The following LTBP1 variants were observed in gnomAD, a reference collection of about 807,000 sequenced individuals.
The protein encoded by LTBP1 is latent-transforming growth factor beta-binding protein 1.
LTBP1 carries 129 observed loss-of-function variants against 207.6 expected under a neutral mutation model. The ratio of observed to expected loss-of-function variants is 0.62; its 90% confidence interval spans 0.54 to 0.72. The LOEUF (loss-of-function observed/expected upper bound fraction) is 0.72. LTBP1 is among the 30% of genes least tolerant of loss of function. The probability of loss-of-function intolerance (pLI) is 0.00; values close to 1 mark genes in which losing one functional copy is unlikely to be tolerated. For missense variants in LTBP1, 2,281 were observed against 2,217.2 expected, an observed-to-expected ratio of 1.03 and a Z score of -0.58; for synonymous variants, 963 against 833.7, an observed-to-expected ratio of 1.16 and a Z score of -2.67.
At chr2:33,157,681 T>C (rs1043359149) in intron 5 of LTBP1, among the ~76,000 whole-genome samples, 1 of 152,184 alleles carries the variant, frequency 6.6e-6, no homozygotes, top group Non-Finnish European at 1.5e-5. Flanking sequence ...ATGATGGTGC[T>C]GTACTGGAGA....
At chr2:32,964,632 A>C (rs924028540) in intron 2 of LTBP1, among the ~76,000 whole-genome samples, 1 of 152,192 alleles carries the variant, frequency 6.6e-6, no homozygotes, top group Non-Finnish European at 1.5e-5. Flanking sequence ...ATATCTTATA[A>C]AGGCCACAGT....
intron 7 of LTBP1, among the ~76,000 whole-genome samples, chr2:33,199,052 C>G (rs950524106): frequency 6.6e-6 from 1 of 152,070 alleles, no homozygotes; most frequent in Non-Finnish European, 1.5e-5. Flanking sequence ...ATAAATTTCC[C>G]TCTACACACT....
chr2:33,091,381 G>A (rs748145946), intron 3 of LTBP1, among the ~76,000 whole-genome samples: 3 of 152,094 alleles, frequency 2.0e-5, no homozygotes, highest in Admixed American at 6.5e-5. Context: ...TTGAGTTCTG[G>A]TCTCTCTCTG....
At chr2:32,971,137 G>A (rs1021045277) in intron 2 of LTBP1, among the ~76,000 whole-genome samples, 3 of 151,692 alleles carry the variant, frequency 2.0e-5, no homozygotes, top group African/African-American at 7.3e-5. Flanking sequence ...GTTATATATT[G>A]ATACTGTATC....
chr2:33,363,894 C>A (rs1239732409), intron 29 of LTBP1, among the ~76,000 whole-genome samples: 1 of 152,130 alleles, frequency 6.6e-6, no homozygotes, highest in African/African-American at 2.4e-5. Context: ...ATACACTAGG[C>A]AGAAAAACAT....
At chr2:33,208,329 A>G (rs1350995089) in intron 7 of LTBP1, among the ~76,000 whole-genome samples, 1 of 152,180 alleles carries the variant, frequency 6.6e-6, no homozygotes, top group East Asian at 1.9e-4. Context: ...ACCATCTTGA[A>G]TCATTTCTGA....
At position 32,947,445 on chromosome 2, in the gene LTBP1, G is replaced by T. The variant is rs1676347257; in HGVS notation, c.121G>T (p.Gly41Cys). 4 of 1,443,280 alleles carry T rather than the reference G, an allele frequency of 2.8e-6. No homozygotes were observed. The highest frequency in any genetic ancestry group is 3.6e-6 in the Non-Finnish European group (4 of 1,100,770). 89.4% of individuals were successfully genotyped at this position (1,443,280 alleles called of 1,614,324 possible). A position where few individuals can be genotyped will look rare whatever the true frequency, so the allele number is the denominator to read the frequency against. The part of the protein sequence containing the change: ...VVHPGPGLAA[G>C]ALPLSGPPRS... ...GCACCCGGGCCCCGGCCTGGCAGCCGGCGCCTTGCCCCTGAGCGGGCCCCC... is the reference window on the plus strand; with the variant it reads ...GCACCCGGGCCCCGGCCTGGCAGCCTGCGCCTTGCCCCTGAGCGGGCCCCC... The change falls in exon 1 of 34, where the codon GGC becomes TGC. Residue 41 changes from glycine to cysteine, a missense_variant. By Grantham distance (159) the Gly-to-Cys change is radical (BLOSUM62 -3). This residue lies in a region of LTBP1 where 555 missense variants were observed against 491.0 expected (regional missense o/e 1.13). Transcript: ENST00000404816.
chr2:32,999,122 C>A (rs1278868660), intron 2 of LTBP1, among the ~76,000 whole-genome samples: 1 of 152,186 alleles, frequency 6.6e-6, no homozygotes. Flanking sequence ...ACCACTAGAT[C>A]CTTGTGATTC....
At chr2:33,144,215 A>C (rs2082845488) in intron 5 of LTBP1, among the ~76,000 whole-genome samples, 1 of 152,150 alleles carries the variant, frequency 6.6e-6, no homozygotes, top group Admixed American at 6.5e-5. Flanking sequence ...AATAGCATCA[A>C]GAAGGATATA....
Position 33,313,289 on chromosome 2 carries a change from A to G in LTBP1, c.3605-1855A>G, listed in dbSNP as rs186509518. Among the ~76,000 whole-genome samples, 796 of 152,320 alleles carry G rather than the reference A, an allele frequency of 5.2e-3. 5 individuals carry two copies. The highest frequency in any genetic ancestry group is 7.7e-3 in the Non-Finnish European group (525 of 68,028). ...AGCGATGGACAGGCCAAATAATCTG[A>G]ATTATGTTGCAGATGGAAGGCTAAA... On this transcript the variant is annotated intron_variant, in intron 23 of 33. Transcript: ENST00000404816.
chr2:33,056,372 T>C, intron 3 of LTBP1: 1 of 1,254,656 alleles, frequency 8.0e-7, no homozygotes, highest in Non-Finnish European at 1.0e-6. Flanking sequence ...TTTTCTTTGG[T>C]AACAGAATGG....
chr2:33,033,887 A>C (rs1573210831), intron 3 of LTBP1, among the ~76,000 whole-genome samples: 1 of 152,328 alleles, frequency 6.6e-6, no homozygotes, highest in African/African-American at 2.4e-5. Context: ...CAGCAGGCAG[A>C]AGCCTTTAAA....
intron 3 of LTBP1, among the ~76,000 whole-genome samples, chr2:33,067,318 A>G (rs894726875): frequency 6.6e-6 from 1 of 152,254 alleles, no homozygotes; most frequent in African/African-American, 2.4e-5. Context: ...TATATGTGAA[A>G]CTTAATATTG....
Position 33,246,854 on chromosome 2 carries a change from T to G in LTBP1, c.1999+3070T>G, listed in dbSNP as rs148291460. On this transcript the variant is annotated intron_variant, in intron 10 of 33. Transcript: ENST00000404816. Reference sequence around the variant, plus strand: ...GAAGAAAGCAGGCAAATGCTGGCATTTGCTGCCTCTGACCTCTATGTTTGA... The same window carrying G: ...GAAGAAAGCAGGCAAATGCTGGCATGTGCTGCCTCTGACCTCTATGTTTGA... 3.5e-3 allele frequency among the ~76,000 whole-genome samples: 530 copies of G among 152,292 alleles called. 4 individuals carry two copies. The highest frequency in any genetic ancestry group is 0.012 in the African/African-American group (509 of 41,568).
intron 22 of LTBP1, among the ~76,000 whole-genome samples, chr2:33,307,958 C>A (rs532000725): frequency 6.6e-6 from 1 of 152,306 alleles, no homozygotes; most frequent in Non-Finnish European, 1.5e-5. Context: ...CGTACTTGAA[C>A]CAGACAGCCG....
At chr2:33,135,730 C>T (rs2082092009) in intron 5 of LTBP1, among the ~76,000 whole-genome samples, 1 of 152,108 alleles carries the variant, frequency 6.6e-6, no homozygotes, top group Non-Finnish European at 1.5e-5. Context: ...GATTGTGGTC[C>T]ACGGAATGCT....
At position 33,145,122 on chromosome 2, in the gene LTBP1, C is replaced by T. The variant is rs17012599; in HGVS notation, c.1201+10162C>T. On this transcript the variant is annotated intron_variant, in intron 5 of 33. Coordinates refer to ENST00000404816, the MANE Select transcript of LTBP1 (RefSeq NM_206943.4). ...ACTGTCATTGATATACTTATTAAAACTTGATTTTCTATTTAGTTGAAGGGT... is the reference window on the plus strand; with the variant it reads ...ACTGTCATTGATATACTTATTAAAATTTGATTTTCTATTTAGTTGAAGGGT... Among the ~76,000 whole-genome samples the T allele has an allele frequency of 8.9e-3, 1,352 of 152,188 alleles. 22 individuals are homozygous for T. Among genetic ancestry groups the T allele is most frequent in the African/African-American group, 0.031 (1,286 of 41,516 alleles).
intron 3 of LTBP1, among the ~76,000 whole-genome samples, chr2:33,055,886 C>T (rs931089891): frequency 6.6e-6 from 1 of 152,082 alleles, no homozygotes; most frequent in Admixed American, 6.5e-5. Context: ...TTGCTTATTT[C>T]CTTCTGGGCA....
At chr2:33,128,476 C>A (rs535493339) in intron 4 of LTBP1, among the ~76,000 whole-genome samples, 4 of 152,344 alleles carry the variant, frequency 2.6e-5, no homozygotes, top group African/African-American at 9.6e-5. Flanking sequence ...ATCTGCACAT[C>A]CGGGTCCTCC....
Sources: gnomAD v4.1 joint callset for allele counts (sites outside exome capture counted in the v4.1 genomes callset) on GRCh38, gnomAD v4.1.1 for gene constraint, gnomAD v4.1.1 regional missense constraint, MANE v1.5 for transcripts, NCBI Gene and HGNC (gene_info 2026-07-23, HGNC 2026-07-21) for gene names.